DOCK4: variants seen among roughly 807,000 people sequenced by gnomAD.
DOCK4 encodes dedicator of cytokinesis protein 4.
In DOCK4, 97 loss-of-function variants were observed where a neutral mutation model predicts 268.1. That is an observed-to-expected ratio of 0.36 (90% CI 0.31 to 0.43). The LOEUF is 0.43. Among genes scored for constraint, DOCK4 ranks in the 20% least tolerant of loss-of-function variants. The pLI is 1.00. For missense variants in DOCK4, 2,145 were observed against 2,455.7 expected, an observed-to-expected ratio of 0.87 and a Z score of 2.67; for synonymous variants, 954 against 887.2, an observed-to-expected ratio of 1.08 and a Z score of -1.34.
At chr7:112,095,660 C>A (rs1810055657) in intron 1 of DOCK4, among the ~76,000 whole-genome samples, 1 of 152,016 alleles carries the variant, frequency 6.6e-6, no homozygotes, top group Non-Finnish European at 1.5e-5. Context: ...AAAATAAAAG[C>A]AAGAAATTTT....
At chr7:112,145,197 T>G (rs1025437528) in intron 1 of DOCK4, among the ~76,000 whole-genome samples, 18 of 152,106 alleles carry the variant, frequency 1.2e-4, no homozygotes, top group African/African-American at 4.3e-4. Context: ...AAAGCAAATG[T>G]GAATCAAAGA....
In DOCK4 at chr7:111,989,632, T is replaced by C. The variant is rs73210912; in HGVS notation, c.316-469A>G. On this transcript the variant is annotated intron_variant, in intron 5 of 52. Coordinates refer to ENST00000428084, the MANE Select transcript of DOCK4 (RefSeq NM_001363540.2). ...ACATTGGTCTCAATACTTTATTGGA[T>C]CCCCTATCAGAAGTTGGGCACAAAA... 6.2e-3 allele frequency among the ~76,000 whole-genome samples: 946 copies of C among 152,356 alleles called. 6 individuals carry two copies. The highest frequency in any genetic ancestry group is 0.014 in the Middle Eastern group (4 of 294).
At chr7:111,887,785 G>C (rs1047747024) in intron 16 of DOCK4, among the ~76,000 whole-genome samples, 2 of 150,374 alleles carry the variant, frequency 1.3e-5, no homozygotes, top group Non-Finnish European at 2.9e-5. Flanking sequence ...AAAGGCTTGA[G>C]CATGTTTATG....
chr7:112,122,234 G>A (rs527624296), intron 1 of DOCK4, among the ~76,000 whole-genome samples: 9 of 152,200 alleles, frequency 5.9e-5, no homozygotes, highest in African/African-American at 1.7e-4. Flanking sequence ...GTACAGTTCA[G>A]TAGTGTTAAG....
At chr7:112,055,950 T>C (rs1353435133) in intron 1 of DOCK4, among the ~76,000 whole-genome samples, 1 of 151,318 alleles carries the variant, frequency 6.6e-6, no homozygotes, top group Non-Finnish European at 1.5e-5. Flanking sequence ...GGAAGAAATG[T>C]AATCACTGAC....
chr7:111,867,788 G>A (rs1205531310), intron 22 of DOCK4, among the ~76,000 whole-genome samples, 196 bp downstream of exon 22: 1 of 152,120 alleles, frequency 6.6e-6, no homozygotes. Context: ...GAAGGGAAAG[G>A]CAACCCACTT....
intron 1 of DOCK4, among the ~76,000 whole-genome samples, chr7:112,076,188 T>A (rs1808051804): frequency 6.6e-6 from 1 of 152,146 alleles, no homozygotes; most frequent in Non-Finnish European, 1.5e-5. Flanking sequence ...AGGTAAACAG[T>A]ATGTTTTGTT....
intron 1 of DOCK4, among the ~76,000 whole-genome samples, chr7:112,088,652 C>G (rs1295814079): frequency 6.6e-6 from 1 of 152,106 alleles, no homozygotes; most frequent in Admixed American, 6.6e-5. Flanking sequence ...GTCCCCTTGG[C>G]AAGTTTCCAC....
chr7:111,930,606 C>G (rs1043323774), intron 12 of DOCK4, among the ~76,000 whole-genome samples: 4 of 152,186 alleles, frequency 2.6e-5, no homozygotes, highest in African/African-American at 9.7e-5. Flanking sequence ...ATTTAACAAA[C>G]AATTCTGTGG....
chr7:112,201,949 C>T (rs1014682827), intron 1 of DOCK4, among the ~76,000 whole-genome samples: 2 of 152,218 alleles, frequency 1.3e-5, no homozygotes, highest in African/African-American at 4.8e-5. Context: ...CAGTACTTAT[C>T]TTTCTGTGCC....
At chr7:112,083,220 A>T (rs1257708897) in intron 1 of DOCK4, among the ~76,000 whole-genome samples, 1 of 152,066 alleles carries the variant, frequency 6.6e-6, no homozygotes, top group African/African-American at 2.4e-5. Flanking sequence ...TTTTATTAAT[A>T]TGATCTTAAC....
At chr7:112,075,370 A>G (rs1586770171) in intron 1 of DOCK4, among the ~76,000 whole-genome samples, 1 of 152,194 alleles carries the variant, frequency 6.6e-6, no homozygotes, top group Non-Finnish European at 1.5e-5. Flanking sequence ...GGAGCCTCAC[A>G]TGCAATTCCC....
chr7:112,161,533 T>C (rs1003722912), intron 1 of DOCK4, among the ~76,000 whole-genome samples: 6 of 152,210 alleles, frequency 3.9e-5, no homozygotes, highest in Non-Finnish European at 7.3e-5. Context: ...TTTATCATTG[T>C]GTCAACCTGT....
At chr7:111,870,810 C>T (rs739617) in intron 20 of DOCK4, among the ~76,000 whole-genome samples, 24,443 of 152,148 alleles carry the variant, frequency 0.16, 2,086 homozygotes, top group Admixed American at 0.18. Context: ...ATCCTGCTTT[C>T]CTGGCCAACC....
rs371754635 is a variant in DOCK4 at position 111,728,635 on chromosome 7, T to C, written c.5567A>G (p.Tyr1856Cys). 106 of 1,613,968 alleles carry C rather than the reference T, an allele frequency of 6.6e-5. No homozygotes were observed. Among genetic ancestry groups the C allele is most frequent in the Non-Finnish European group, 8.6e-5 (101 of 1,179,878 alleles). Residue 1856 changes from tyrosine to cysteine, a missense_variant, in exon 53 of 53, where the codon TAC becomes TGC. This residue lies in a region of DOCK4 where 547 missense variants were observed against 469.0 expected (regional missense o/e 1.17). Coordinates refer to ENST00000428084, the MANE Select transcript of DOCK4 (RefSeq NM_001363540.2). Reference protein sequence around the residue: ...ISNSPVLSGSYSSGISSLSRC... With the variant: ...ISNSPVLSGSCSSGISSLSRC... ...GCTGAGAGAAGAAATCCCACTGCTG[T>C]AGCTGCCCGACAAGACAGGGGAGTT... is the stretch of plus-strand genomic sequence containing the variant.
intron 1 of DOCK4, among the ~76,000 whole-genome samples, chr7:112,190,127 A>C (rs1463700310): frequency 6.6e-6 from 1 of 152,146 alleles, no homozygotes; most frequent in East Asian, 1.9e-4. Context: ...ACAAATAACT[A>C]CAACACGCTG....
At chr7:112,039,615 T>TA (rs1346652983) in intron 1 of DOCK4, among the ~76,000 whole-genome samples, 2 of 152,112 alleles carry the variant, frequency 1.3e-5, no homozygotes, top group African/African-American at 4.8e-5. Context: ...CAGCTTTACC[T>TA]AGGTATATGG....
chr7:112,065,699 T>C (rs1806863189), intron 1 of DOCK4, among the ~76,000 whole-genome samples: 1 of 151,924 alleles, frequency 6.6e-6, no homozygotes, highest in Admixed American at 6.6e-5. Flanking sequence ...CACAGCTAGA[T>C]TTGGAGCCAT....
At chr7:111,893,005 C>T (rs1361483335) in intron 16 of DOCK4, among the ~76,000 whole-genome samples, 5 of 152,164 alleles carry the variant, frequency 3.3e-5, no homozygotes, top group Non-Finnish European at 2.9e-5. Context: ...AGACAGCCTA[C>T]ACATACCATA....
Sources: allele counts gnomAD v4.1 joint callset (sites outside exome capture counted in the v4.1 genomes callset), GRCh38; gene constraint gnomAD v4.1.1; regional missense constraint gnomAD v4.1.1; transcripts MANE v1.5; gene names NCBI Gene and HGNC (gene_info 2026-07-23, HGNC 2026-07-21).